The following CLDN14 variants were observed in gnomAD, a reference collection of about 807,000 sequenced individuals.
The protein encoded by CLDN14 is claudin-14.
Under a neutral mutation model 2.1 loss-of-function variants are expected in CLDN14, and 2 were observed. That is an observed-to-expected ratio of 0.96 (90% confidence interval 0.39 to 3.01). The LOEUF is 3.01. CLDN14 is among the 30% of genes most tolerant of loss of function. CLDN14 has a pLI of 0.09. For synonymous variants in CLDN14, 136 were observed against 154.4 expected (o/e 0.88, Z 0.88); for missense variants, 298 against 328.0 (o/e 0.91, Z 0.71).
intron 1 of CLDN14, chr21:36,532,345 CT>C (rs1291462196): frequency 6.6e-6 from 1 of 150,592 alleles, no homozygotes; most frequent in African/African-American, 2.5e-5. Context: ...GAATGCTAGC[CT>C]TAAAATATAT....
At chr21:36,501,332 C>CTTTTTTT (rs58458004) in intron 2 of CLDN14, among the ~76,000 whole-genome samples, 723 of 48,432 alleles carry the variant, frequency 0.015, 240 homozygotes, top group Non-Finnish European at 0.025. Context: ...CAATATCTCA[C>CTTTTTTT]TTTTTTTTTT....
Position 36,498,148 on chromosome 21 carries a change from C to A in CLDN14, c.-82+12215G>T, listed in dbSNP as rs1317182962. Reference sequence around the variant, plus strand: ...CATGAGTAGCTGGGATTACAGGCACCCACCACCATGCCCAGCTAATTTTTG... The same window carrying A: ...CATGAGTAGCTGGGATTACAGGCACACACCACCATGCCCAGCTAATTTTTG... On this transcript the variant is annotated intron_variant, in intron 2 of 2. Transcript: ENST00000342108. This position sits in a 1 kb window ranked among gnomAD's most constrained non-coding sequence, Gnocchi z 4.9. Among the ~76,000 whole-genome samples the A allele has an allele frequency of 6.6e-6, 1 of 151,694 alleles. No individual in the cohort carries two copies.
At chr21:36,485,803 T>C in intron 2 of CLDN14, 3 of 374,066 alleles carry the variant, frequency 8.0e-6, no homozygotes, top group Non-Finnish European at 1.5e-5. Flanking sequence ...CCATCAGATA[T>C]GAATGAAAGA....
intron 1 of CLDN14, among the ~76,000 whole-genome samples, chr21:36,520,230 A>T (rs559765449): frequency 6.6e-6 from 1 of 152,104 alleles, no homozygotes; most frequent in East Asian, 1.9e-4. Context: ...CTCTTCTCAT[A>T]AGGACACTGA....
At chr21:36,526,300 T>C (rs1168095720) in intron 1 of CLDN14, 1 of 152,212 alleles carries the variant, frequency 6.6e-6, no homozygotes, top group African/African-American at 2.4e-5. Flanking sequence ...TAAAACTTTA[T>C]TTGCAAAAAC....
At chr21:36,488,211 C>T (rs1475547240) in intron 2 of CLDN14, among the ~76,000 whole-genome samples, 1 of 104,476 alleles carries the variant, frequency 9.6e-6, no homozygotes, top group East Asian at 3.0e-4. Flanking sequence ...AAGACAAATA[C>T]TGTGATTCCC....
chr21:36,494,828 G>A (rs545256176), intron 2 of CLDN14, among the ~76,000 whole-genome samples: 6 of 152,204 alleles, frequency 3.9e-5, no homozygotes, highest in Non-Finnish European at 7.3e-5. Context: ...TGTTTAAGCC[G>A]CCCTGTCTGT....
chr21:36,521,471 C>T (rs568249184), intron 1 of CLDN14, among the ~76,000 whole-genome samples: 3 of 152,316 alleles, frequency 2.0e-5, no homozygotes, highest in African/African-American at 7.2e-5. Flanking sequence ...TCAGACATAC[C>T]ATCTTGTAAC....
intron 1 of CLDN14, among the ~76,000 whole-genome samples, chr21:36,529,142 T>C (rs1331276751): frequency 1.3e-5 from 2 of 152,234 alleles, no homozygotes; most frequent in African/African-American, 4.8e-5. Context: ...TGAAAGGATG[T>C]ATCTTTTGGT....
chr21:36,566,779 C>T (rs1163236460), intron 1 of CLDN14, among the ~76,000 whole-genome samples: 1 of 152,190 alleles, frequency 6.6e-6, no homozygotes, highest in Non-Finnish European at 1.5e-5. Context: ...CACTTCTAGC[C>T]CCACTTTCCC....
intron 1 of CLDN14, among the ~76,000 whole-genome samples, chr21:36,536,471 C>G (rs1434622101): frequency 2.0e-5 from 3 of 152,234 alleles, no homozygotes; most frequent in African/African-American, 7.2e-5. Flanking sequence ...CCGACATTAC[C>G]TGTGAGCTGT....
chr21:36,482,823 T>G (rs749629982), upstream of CLDN14, among the ~76,000 whole-genome samples: 1 of 152,336 alleles, frequency 6.6e-6, no homozygotes, highest in Middle Eastern at 3.4e-3. Context: ...GCCTGTGATA[T>G]CTTTGCAGAG....
intron 2 of CLDN14, among the ~76,000 whole-genome samples, chr21:36,489,123 A>AAAT (rs1555847015): frequency 1.4e-4 from 12 of 86,760 alleles, no homozygotes; most frequent in Admixed American, 4.2e-4. Flanking sequence ...CAAAGAAAAA[A>AAAT]AAAAAAAAAT....
chr21:36,491,001 C>T (rs1317744306), intron 2 of CLDN14, among the ~76,000 whole-genome samples: 3 of 152,168 alleles, frequency 2.0e-5, no homozygotes, highest in South Asian at 4.2e-4. Flanking sequence ...CCTGGACACA[C>T]ACACATTGTT....
rs755669304 is a variant in CLDN14, at chr21:36,537,104, C to T, written c.-219-26604G>A. On this transcript the variant is annotated intron_variant, in intron 1 of 2. Transcript: ENST00000342108. ...ACTCGTGAGGCTAAGGCAGGAGGATCGCTTGAACCCGGGAGGTGGAGGTTG... is the reference window on the plus strand; with the variant it reads ...ACTCGTGAGGCTAAGGCAGGAGGATTGCTTGAACCCGGGAGGTGGAGGTTG... Among the ~76,000 whole-genome samples, 55 of 152,298 alleles carry T rather than the reference C, an allele frequency of 3.6e-4. 1 individual carries two copies. Among genetic ancestry groups the T allele is most frequent in the South Asian group, 1.0e-3 (5 of 4,824 alleles).
intron 2 of CLDN14, among the ~76,000 whole-genome samples, chr21:36,497,809 G>T (rs2146472775): frequency 6.6e-6 from 1 of 152,230 alleles, no homozygotes; most frequent in East Asian, 1.9e-4. Flanking sequence ...CCGCACTCCT[G>T]GTCCTTGGCC....
intron 1 of CLDN14, among the ~76,000 whole-genome samples, chr21:36,511,831 G>T (rs372251418): frequency 6.6e-6 from 1 of 152,150 alleles, no homozygotes; most frequent in Non-Finnish European, 1.5e-5. Flanking sequence ...TCTAAGTTTG[G>T]TTGGTCTGTT....
chr21:36,485,424 G>T (rs1049053577), intron 2 of CLDN14, among the ~76,000 whole-genome samples: 18 of 151,274 alleles, frequency 1.2e-4, no homozygotes, highest in African/African-American at 4.2e-4. Flanking sequence ...GGCCAGGCAG[G>T]TCTTGAACTC....
At chr21:36,502,670 T>C (rs1014170594) in intron 2 of CLDN14, among the ~76,000 whole-genome samples, 5 of 152,230 alleles carry the variant, frequency 3.3e-5, no homozygotes, top group Non-Finnish European at 7.3e-5. Flanking sequence ...TTGACACGGA[T>C]GTCTTTAGGA....
Sources: gnomAD v4.1 joint callset for allele counts (sites outside exome capture counted in the v4.1 genomes callset) on GRCh38, gnomAD v4.1.1 for gene constraint, Gnocchi (gnomAD v3.1) non-coding constraint, MANE v1.5 for transcripts, NCBI Gene and HGNC (gene_info 2026-07-23, HGNC 2026-07-21) for gene names.